The following IYD variants were observed in gnomAD, a reference collection of about 807,000 sequenced individuals.
The protein encoded by IYD is iodotyrosine deiodinase, also known as iodotyrosine deiodinase 1.
IYD carries 25 observed loss-of-function variants against 28.4 expected under a neutral mutation model. The ratio of observed to expected loss-of-function variants is 0.88; its 90% CI spans 0.64 to 1.23. The LOEUF (loss-of-function observed/expected upper bound fraction) is 1.23, where lower values mean the gene tolerates loss of function less well. Among genes scored for constraint, IYD ranks in the 50% most tolerant of loss-of-function variants. The pLI is 0.00. For missense variants in IYD, 352 were observed against 357.9 expected (o/e 0.98, Z 0.13); for synonymous variants, 140 against 130.8 (o/e 1.07, Z -0.48).
intron 1 of IYD, among the ~76,000 whole-genome samples, chr6:150,383,815 CA>C (rs1173122063): frequency 5.5e-5 from 2 of 36,084 alleles, no homozygotes; most frequent in Non-Finnish European, 1.2e-4. Context: ...AAAACAAAAA[CA>C]AAAACAAAAA....
intron 1 of IYD, among the ~76,000 whole-genome samples, chr6:150,370,259 G>A (rs570241291): frequency 1.4e-4 from 17 of 120,324 alleles, no homozygotes; most frequent in South Asian, 5.6e-4. Flanking sequence ...ATGTGTGTGC[G>A]CGTGCATGTG....
At chr6:150,370,221 G>T (rs612200) in intron 1 of IYD, among the ~76,000 whole-genome samples, 109,812 of 146,282 alleles carry the variant, frequency 0.75, 40,690 homozygotes, top group Middle Eastern at 0.83. Flanking sequence ...GTGTGTGCGC[G>T]TGCGTGTGTG....
chr6:150,393,971 G>C (rs1201826805), intron 3 of IYD, 128 bp from the exon 4 acceptor site: 5 of 986,946 alleles, frequency 5.1e-6, no homozygotes, highest in Non-Finnish European at 7.4e-6. Flanking sequence ...CAAAAATTCT[G>C]CAGCTTTTCA....
At chr6:150,380,242 G>GT (rs1173615080) in intron 1 of IYD, among the ~76,000 whole-genome samples, 1 of 152,074 alleles carries the variant, frequency 6.6e-6, no homozygotes, top group Non-Finnish European at 1.5e-5. Flanking sequence ...CTGAAAACTT[G>GT]TTTTTTCCCA....
rs928529454 is a variant in IYD, at chr6:150,405,606, G to C, written c.*7369G>C. ...ACATGGTGACAGGAAGCAGAAGAAT[G>C]ACAACTGAGTGAATGGGGAAACCCC... is the stretch of plus-strand genomic sequence containing the variant. On this transcript the variant is annotated 3_prime_UTR_variant, in exon 5 of 5. Coordinates refer to ENST00000344419, the MANE Select transcript of IYD (RefSeq NM_203395.3). 2 of 152,174 alleles carry C rather than the reference G, an allele frequency of 1.3e-5. No individual in the cohort carries two copies. The highest frequency in any genetic ancestry group is 2.9e-5 in the Non-Finnish European group (2 of 68,054). The allele number at this position is 152,174 out of a possible 1,614,324, so 9.4% of individuals were successfully genotyped here. A position where few individuals can be genotyped will look rare whatever the true frequency, so the allele number is the denominator to read the frequency against.
chr6:150,380,682 C>A (rs1321995306), intron 1 of IYD, among the ~76,000 whole-genome samples: 1 of 152,156 alleles, frequency 6.6e-6, no homozygotes, highest in Non-Finnish European at 1.5e-5. Flanking sequence ...GCCCAAGGGA[C>A]CCCCGATTTC....
intron 4 of IYD, among the ~76,000 whole-genome samples, chr6:150,397,152 CTATATATGGGTTCATA>C (rs1369452698): frequency 1.3e-5 from 2 of 152,030 alleles, no homozygotes; most frequent in African/African-American, 2.4e-5. Flanking sequence ...GTGCATGTAT[CTATATATGGGTTCATA>C]TATATATGGG....
rs972837403 is a variant in IYD, at chr6:150,392,572, T to C, written c.530+68T>C. ...TAAAATAAAATCACCACCACCACCA[T>C]GTCCTGGCTTTGTTGTAAGCGTGAA... is the stretch of plus-strand genomic sequence containing the variant. On this transcript the variant is annotated intron_variant, in intron 3 of 4. Coordinates refer to ENST00000344419, the MANE Select transcript of IYD (RefSeq NM_203395.3). The C allele has an allele frequency of 3.4e-6, 5 of 1,489,424 alleles. No homozygotes were observed. The African/African-American group carries it at 6.9e-5, about 21-fold the overall frequency. The allele number at this position is 1,489,424 out of a possible 1,614,324, so 92.3% of individuals were successfully genotyped here. A position where few individuals can be genotyped will look rare whatever the true frequency, so the allele number is the denominator to read the frequency against.
chr6:150,377,405 C>T lies in IYD; in HGVS notation c.178+8196C>T, dbSNP rs536934562. Among the ~76,000 whole-genome samples, 195 of 152,238 alleles carry T rather than the reference C, an allele frequency of 1.3e-3. 1 individual carries two copies. Among genetic ancestry groups the T allele is most frequent in the South Asian group, 0.012 (56 of 4,814 alleles). The stretch of plus-strand genomic sequence containing the variant: ...GTGGAAGCTCACTGTGCTCCTAGCC[C>T]AGCCCTGCTAGTCTCATTCCCCAGC... On this transcript the variant is annotated intron_variant, in intron 1 of 4. Coordinates refer to ENST00000344419, the MANE Select transcript of IYD (RefSeq NM_203395.3).
intron 1 of IYD, among the ~76,000 whole-genome samples, chr6:150,385,397 C>T (rs964656455): frequency 6.6e-6 from 1 of 151,960 alleles, no homozygotes; most frequent in Non-Finnish European, 1.5e-5. Context: ...TTCCTTTCTC[C>T]AAATTTACTA....
intron 4 of IYD, chr6:150,396,567 T>C (rs536769817): frequency 1.5e-6 from 1 of 658,708 alleles, no homozygotes; most frequent in South Asian, 1.7e-5. Context: ...AAGGTGTAAA[T>C]ATTTTCTCAA....
intron 1 of IYD, among the ~76,000 whole-genome samples, chr6:150,377,824 A>G (rs570636478): frequency 2.6e-4 from 39 of 152,326 alleles, no homozygotes; most frequent in Non-Finnish European, 4.6e-4. Context: ...CAAAAGTATC[A>G]TTGGTGTTGA....
chr6:150,379,363 G>A (rs2115025678), intron 1 of IYD, among the ~76,000 whole-genome samples: 1 of 152,280 alleles, frequency 6.6e-6, no homozygotes, highest in South Asian at 2.1e-4. Context: ...GCGTCTGTAT[G>A]GATCTGCGTT....
chr6:150,387,822 T>G (rs553805880), intron 1 of IYD, among the ~76,000 whole-genome samples: 56 of 152,180 alleles, frequency 3.7e-4, no homozygotes, highest in Middle Eastern at 3.4e-3. Flanking sequence ...TTCTTTATTT[T>G]TGCTGTTGTT....
chr6:150,396,560 G>A (rs1778319520), intron 4 of IYD: 1 of 663,240 alleles, frequency 1.5e-6, no homozygotes, highest in East Asian at 2.8e-5. Context: ...CTAAATTAAG[G>A]TGTAAATATT....
rs1778474171 is a variant in IYD, at chr6:150,400,375, C to T, written c.*2138C>T. Reference sequence around the variant, plus strand: ...TAAAAATTATAATGCAAACATCTGGCCATCACCTTAACCAAGTGACAAAGT... The same window carrying T: ...TAAAAATTATAATGCAAACATCTGGTCATCACCTTAACCAAGTGACAAAGT... On this transcript the variant is annotated 3_prime_UTR_variant, in exon 5 of 5. Transcript: ENST00000344419. 1 of 152,154 alleles carries T rather than the reference C, an allele frequency of 6.6e-6. No homozygotes were observed. Among genetic ancestry groups the T allele is most frequent in the South Asian group, 2.1e-4 (1 of 4,824 alleles). The allele number at this position is 152,154 out of a possible 1,614,324, so 9.4% of individuals were successfully genotyped here. A position where few individuals can be genotyped will look rare whatever the true frequency, so the allele number is the denominator to read the frequency against.
intron 1 of IYD, among the ~76,000 whole-genome samples, chr6:150,383,125 A>G (rs982440456): frequency 2.2e-4 from 34 of 152,196 alleles, no homozygotes; most frequent in African/African-American, 8.0e-4. Flanking sequence ...TGACACTAAT[A>G]CTCTGGGATG....
At chr6:150,373,107 C>T (rs1042027649) in intron 1 of IYD, among the ~76,000 whole-genome samples, 1 of 152,132 alleles carries the variant, frequency 6.6e-6, no homozygotes, top group African/African-American at 2.4e-5. Context: ...GCTTCACTGG[C>T]CATCCAAAAG....
chr6:150,382,215 C>T (rs949430188), intron 1 of IYD, among the ~76,000 whole-genome samples: 1 of 152,204 alleles, frequency 6.6e-6, no homozygotes, highest in Non-Finnish European at 1.5e-5. Context: ...ATGGCCTAAT[C>T]TGAGACAACT....
Sources: gnomAD v4.1 joint callset for allele counts (sites outside exome capture counted in the v4.1 genomes callset) on GRCh38, gnomAD v4.1.1 for gene constraint, MANE v1.5 for transcripts, NCBI Gene and HGNC (gene_info 2026-07-23, HGNC 2026-07-21) for gene names.